Variants in PI15 observed in about 807,000 individuals in gnomAD.
The protein encoded by PI15 is 25 kDa trypsin inhibitor.
In PI15, 18 loss-of-function variants were observed where a neutral mutation model predicts 31.0. The observed-to-expected ratio is 0.58, with a 90% CI of 0.40 to 0.86. PI15 has a LOEUF of 0.86. Ranked by LOEUF, PI15 falls within the 40% of genes least tolerant of loss-of-function variation. PI15 has a pLI of 0.00. For missense variants in PI15, 282 were observed against 328.1 expected, an observed-to-expected ratio of 0.86 and a Z score of 1.09; for synonymous variants, 118 against 119.1, an observed-to-expected ratio of 0.99 and a Z score of 0.06.
Position 74,824,592 on chromosome 8 carries a change from C to T in PI15, c.-124C>T, listed in dbSNP as rs1810664568. 6.6e-6 allele frequency: 1 copy of T among 152,230 alleles called. No homozygotes were observed. The highest frequency in any genetic ancestry group is 1.5e-5 in the Non-Finnish European group (1 of 68,098). 9.4% of individuals were successfully genotyped at this position (152,230 alleles called of 1,614,324 possible). A position where few individuals can be genotyped will look rare whatever the true frequency, so the allele number is the denominator to read the frequency against. On this transcript the variant is annotated 5_prime_UTR_variant, in exon 1 of 6. Coordinates refer to ENST00000260113, the MANE Select transcript of PI15 (RefSeq NM_015886.5). Reference sequence around the variant, plus strand: ...AGAGAGTTTGTAAAAAGACACACTCCTCTTACAAGAGTTCATGCTACCACA... The same window carrying T: ...AGAGAGTTTGTAAAAAGACACACTCTTCTTACAAGAGTTCATGCTACCACA...
chr8:74,829,822 CAT>C (rs1469610273), intron 2 of PI15, among the ~76,000 whole-genome samples: 2 of 152,000 alleles, frequency 1.3e-5, no homozygotes, highest in African/African-American at 2.4e-5. Context: ...GGAGGAGGAG[CAT>C]GTGAAATAGA....
chr8:74,828,334 C>T (rs973423758), intron 2 of PI15, among the ~76,000 whole-genome samples: 3 of 151,926 alleles, frequency 2.0e-5, no homozygotes, highest in South Asian at 4.1e-4. Context: ...GGGAGAATAT[C>T]CATCAGTTCA....
At chr8:74,830,897 A>G (rs1810772760) in intron 2 of PI15, among the ~76,000 whole-genome samples, 1 of 152,146 alleles carries the variant, frequency 6.6e-6, no homozygotes, top group Non-Finnish European at 1.5e-5. Flanking sequence ...ACTGAGAACA[A>G]TTGCTGGCAG....
At position 74,851,377 on chromosome 8, in the gene PI15, A is replaced by T. The variant is rs1018210729; in HGVS notation, c.*2124A>T. 5 of 152,116 alleles carry T rather than the reference A, an allele frequency of 3.3e-5. No homozygotes were observed. The highest frequency in any genetic ancestry group is 1.2e-4 in the African/African-American group (5 of 41,460). The allele number at this position is 152,116 out of a possible 1,614,324, so 9.4% of individuals were successfully genotyped here. ...AAGTACTATTAAACAGAAGATGGCT[A>T]CACTAAGTTCCAATTTTGTTGCTGA... On this transcript the variant is annotated 3_prime_UTR_variant, in exon 6 of 6. Coordinates refer to ENST00000260113, the MANE Select transcript of PI15 (RefSeq NM_015886.5).
chr8:74,838,755 AG>A (rs1325701673), intron 2 of PI15, among the ~76,000 whole-genome samples: 1 of 152,204 alleles, frequency 6.6e-6, no homozygotes, highest in African/African-American at 2.4e-5. Context: ...CCAATTAAAG[AG>A]GAAAAAAAGT....
intron 2 of PI15, among the ~76,000 whole-genome samples, chr8:74,828,033 G>T (rs55819117): frequency 0.21 from 32,143 of 151,964 alleles, 4,067 homozygotes; most frequent in Middle Eastern, 0.29. Context: ...TTTAATATTT[G>T]TTAAGCATTG....
At chr8:74,826,995 A>T (rs1810709702) in intron 2 of PI15, among the ~76,000 whole-genome samples, 1 of 152,126 alleles carries the variant, frequency 6.6e-6, no homozygotes, top group Non-Finnish European at 1.5e-5. Flanking sequence ...TTAGATGAGC[A>T]AACACATTTT....
At chr8:74,831,603 G>C (rs547786027) in intron 2 of PI15, among the ~76,000 whole-genome samples, 1 of 152,092 alleles carries the variant, frequency 6.6e-6, no homozygotes, top group Non-Finnish European at 1.5e-5. Context: ...ACTCTCTTTG[G>C]TAGGAAGTAC....
At chr8:74,830,973 A>G (rs1046939922) in intron 2 of PI15, among the ~76,000 whole-genome samples, 3 of 152,064 alleles carry the variant, frequency 2.0e-5, no homozygotes, top group African/African-American at 7.2e-5. Context: ...AATCTTTTCA[A>G]TGTCTTGGCT....
chr8:74,825,084 C>G, intron 1 of PI15, 126 bp from the exon 2 acceptor site: 1 of 684,390 alleles, frequency 1.5e-6, no homozygotes, highest in South Asian at 1.8e-5. Context: ...GGCTTGAGTT[C>G]AACATTTGTT....
chr8:74,830,246 A>T (rs1052494784), intron 2 of PI15, among the ~76,000 whole-genome samples: 2 of 152,038 alleles, frequency 1.3e-5, no homozygotes, highest in African/African-American at 4.8e-5. Flanking sequence ...GATGAGGGAC[A>T]ATGTGAATAT....
intron 2 of PI15, among the ~76,000 whole-genome samples, chr8:74,837,653 C>T (rs937253952): frequency 6.6e-6 from 1 of 151,784 alleles, no homozygotes; most frequent in African/African-American, 2.4e-5. Flanking sequence ...AGAAAAAGAT[C>T]AAATAGCCCT....
At chr8:74,843,514 G>A (rs1042039241) in intron 2 of PI15, among the ~76,000 whole-genome samples, 6 of 152,130 alleles carry the variant, frequency 3.9e-5, no homozygotes, top group African/African-American at 1.2e-4. Flanking sequence ...GATCACTTGA[G>A]GTCAGGAGTT....
intron 5 of PI15, among the ~76,000 whole-genome samples, chr8:74,846,997 A>G (rs1417857064): frequency 6.6e-6 from 1 of 152,206 alleles, no homozygotes; most frequent in East Asian, 1.9e-4. Context: ...TTATAATATA[A>G]AATATGTAAT....
At chr8:74,847,719 T>A (rs1331814168) in intron 5 of PI15, among the ~76,000 whole-genome samples, 1 of 152,244 alleles carries the variant, frequency 6.6e-6, no homozygotes, top group East Asian at 1.9e-4. Flanking sequence ...AGATATTTTG[T>A]ATTTAAAAGT....
At chr8:74,831,144 G>T (rs1810776426) in intron 2 of PI15, among the ~76,000 whole-genome samples, 1 of 152,156 alleles carries the variant, frequency 6.6e-6, no homozygotes, top group East Asian at 1.9e-4. Flanking sequence ...CATTTTGTTT[G>T]TCACCATTTT....
In PI15 at chr8:74,854,318, A is replaced by C. The variant is rs896487971; in HGVS notation, c.*5065A>C. The C allele has an allele frequency of 1.2e-4, 19 of 152,068 alleles. No homozygotes were observed. Among genetic ancestry groups the C allele is most frequent in the African/African-American group, 4.3e-4 (18 of 41,438 alleles). The allele number at this position is 152,068 out of a possible 1,614,324, so 9.4% of individuals were successfully genotyped here. ...AAGCACTTTCCAAATTGATACTTTC[A>C]AACTTATTTTAAAGCAGTAGAACCT... On this transcript the variant is annotated 3_prime_UTR_variant, in exon 6 of 6. Transcript: ENST00000260113.
chr8:74,843,412 A>C (rs1374502414), intron 2 of PI15, among the ~76,000 whole-genome samples: 6 of 152,224 alleles, frequency 3.9e-5, no homozygotes, highest in Non-Finnish European at 5.9e-5. Flanking sequence ...TAGTTATAGC[A>C]GTCTCAGGAA....
In PI15 at chr8:74,850,840, A is replaced by G. The variant is rs2732011; in HGVS notation, c.*1587A>G. On this transcript the variant is annotated 3_prime_UTR_variant, in exon 6 of 6. Coordinates refer to ENST00000260113, the MANE Select transcript of PI15 (RefSeq NM_015886.5). ...ATTTAACATACTGCATTTCAAGTACATGTGTGTGTGTTTTATTCAGGTTGT... is the reference window on the plus strand; with the variant it reads ...ATTTAACATACTGCATTTCAAGTACGTGTGTGTGTGTTTTATTCAGGTTGT... 65,905 of 151,974 alleles carry G rather than the reference A, an allele frequency of 0.43. 15,134 individuals are homozygous for G. The highest frequency in any genetic ancestry group is 0.56 in the African/African-American group (23,257 of 41,440). 9.4% of individuals were successfully genotyped at this position (151,974 alleles called of 1,614,324 possible). A position where few individuals can be genotyped will look rare whatever the true frequency, so the allele number is the denominator to read the frequency against.
Sources: gnomAD v4.1 joint callset for allele counts (sites outside exome capture counted in the v4.1 genomes callset) on GRCh38, gnomAD v4.1.1 for gene constraint, MANE v1.5 for transcripts, NCBI Gene and HGNC (gene_info 2026-07-23, HGNC 2026-07-21) for gene names.